CD99: variants seen among roughly 807,000 people sequenced by gnomAD.
CD99 encodes the protein CD99 molecule (Xg blood group).
CD99 carries 19 observed loss-of-function variants against 28.4 expected under a neutral mutation model. The ratio of observed to expected loss-of-function variants is 0.67; its 90% CI spans 0.47 to 0.98. The LOEUF (loss-of-function observed/expected upper bound fraction) is 0.98, where lower values mean the gene tolerates loss of function less well. Among genes scored for constraint, CD99 ranks in the 50% least tolerant of loss-of-function variants. CD99 has a pLI of 0.00. For missense variants in CD99, 283 were observed against 248.8 expected (o/e 1.14, Z -0.92); for synonymous variants, 103 against 92.1 (o/e 1.12, Z -0.67).
intron 1 of CD99, among the ~76,000 whole-genome samples, chrX:2,693,817 C>T (rs540566534): frequency 8.8e-4 from 134 of 152,254 alleles, no homozygotes; most frequent in Middle Eastern, 3.4e-3. Context: ...CCCCACAGGG[C>T]GACGTTGGCC....
intron 1 of CD99, chrX:2,691,746 C>T (rs759711121): frequency 5.4e-6 from 4 of 737,976 alleles, no homozygotes; most frequent in Admixed American, 3.7e-5. Context: ...ATCTCTCTCC[C>T]TTTGCATGAG....
chrX:2,691,574 C>T, intron 1 of CD99, 147 bp downstream of exon 1: 4 of 893,814 alleles, frequency 4.5e-6, no homozygotes, highest in Non-Finnish European at 5.4e-6. Flanking sequence ...CCCACGGGGG[C>T]CCAGGCCCGG....
At chrX:2,699,420 G>A (rs1360471346) in intron 1 of CD99, among the ~76,000 whole-genome samples, 3 of 150,228 alleles carry the variant, frequency 2.0e-5, no homozygotes, top group African/African-American at 7.3e-5. Flanking sequence ...TGCCCACCTC[G>A]GCTTCCCAAA....
At chrX:2,698,513 C>G (rs1349617907) in intron 1 of CD99, among the ~76,000 whole-genome samples, 1 of 152,166 alleles carries the variant, frequency 6.6e-6, no homozygotes, top group Non-Finnish European at 1.5e-5. Context: ...GTCGCCCAGG[C>G]TGAAGTGCAG....
chrX:2,732,842 A>G (rs1378855699), intron 8 of CD99, among the ~76,000 whole-genome samples: 1 of 107,592 alleles, frequency 9.3e-6, no homozygotes, highest in Admixed American at 1.1e-4. Context: ...CTCTTCATCC[A>G]TCTCTCCTGT....
At chrX:2,733,419 A>G (rs2049777609) in intron 8 of CD99, 1 of 1,566,788 alleles carries the variant, frequency 6.4e-7, no homozygotes, top group Admixed American at 1.9e-5. Flanking sequence ...TCCTGACCGT[A>G]ATCGTTTTAT....
intron 1 of CD99, among the ~76,000 whole-genome samples, chrX:2,700,109 G>A (rs2047775814): frequency 6.6e-6 from 1 of 152,174 alleles, no homozygotes; most frequent in Non-Finnish European, 1.5e-5. Context: ...TGCTGGGCTT[G>A]GGAGTTGGTG....
chrX:2,735,256 C>T (rs2049877577), intron 8 of CD99, among the ~76,000 whole-genome samples: 1 of 152,164 alleles, frequency 6.6e-6, no homozygotes, highest in African/African-American at 2.4e-5. Flanking sequence ...CATAGGTACC[C>T]ATTAAAGCCA....
rs775613947 is a variant in CD99, at chrX:2,726,279, C to T, written c.381C>T (p.Ile127=). The change falls in exon 8 of 10, where the codon ATC becomes ATT. Residue 127 remains isoleucine, a synonymous_variant. Coordinates refer to ENST00000381192, the MANE Select transcript of CD99 (RefSeq NM_002414.5). ...CTGCAGCCGACGCCCCAGGCGTGAT[C>T]CCCGGGATTGTGGGGGCTGTCGTGG... The part of the protein sequence containing the change: ...EGEEADAPGV[I]PGIVGAVVVA... 2.5e-6 allele frequency: 4 copies of T among 1,610,478 alleles called. No individual in the cohort carries two copies. Among genetic ancestry groups the T allele is most frequent in the African/African-American group, 1.3e-5 (1 of 74,962 alleles).
chrX:2,715,910 CT>C (rs1164291529), intron 2 of CD99, among the ~76,000 whole-genome samples: 6 of 152,124 alleles, frequency 3.9e-5, no homozygotes, highest in Admixed American at 3.9e-4. Context: ...CTCATCTTAA[CT>C]GATTACAACT....
At chrX:2,699,248 C>T (rs2047726982) in intron 1 of CD99, among the ~76,000 whole-genome samples, 1 of 151,734 alleles carries the variant, frequency 6.6e-6, no homozygotes, top group African/African-American at 2.4e-5. Context: ...TGGCTCACTG[C>T]AACTTCCGCC....
chrX:2,734,281 C>CT (rs918590613), intron 8 of CD99, among the ~76,000 whole-genome samples: 3 of 144,930 alleles, frequency 2.1e-5, no homozygotes, highest in East Asian at 4.0e-4. Context: ...TATGTTATTT[C>CT]TTTTTCTTTT....
intron 1 of CD99, among the ~76,000 whole-genome samples, chrX:2,707,329 C>CAAAG (rs2048166901): frequency 6.7e-6 from 1 of 149,186 alleles, no homozygotes. Context: ...AACTCTGCCT[C>CAAAG]AAAAGAAAAG....
intron 5 of CD99, among the ~76,000 whole-genome samples, chrX:2,720,729 A>G (rs1330965111): frequency 7.1e-6 from 1 of 141,442 alleles, no homozygotes; most frequent in Non-Finnish European, 1.5e-5. Flanking sequence ...GGTTCAAGTG[A>G]TTCTCCTGCA....
chrX:2,709,196 G>T (rs867892688), intron 1 of CD99, among the ~76,000 whole-genome samples: 4 of 74,750 alleles, frequency 5.4e-5, no homozygotes, highest in Non-Finnish European at 2.0e-4. Flanking sequence ...CACATACACA[G>T]GCACATACAT....
Position 2,740,940 on chromosome X carries a change from G to A in CD99, c.*136G>A. The A allele has an allele frequency of 3.1e-6, 3 of 977,572 alleles. No individual in the cohort carries two copies. In the South Asian group the frequency reaches 3.9e-5, roughly 13 times the overall value. The allele number at this position is 977,572 out of a possible 1,614,324, so 60.6% of individuals were successfully genotyped here. Reference sequence around the variant, plus strand: ...ACGGCGGATTCTTTGTTTTAATCTTGCGATGTGCTTTGCTTGTTGCTGGGC... The same window carrying A: ...ACGGCGGATTCTTTGTTTTAATCTTACGATGTGCTTTGCTTGTTGCTGGGC... On this transcript the variant is annotated 3_prime_UTR_variant, in exon 10 of 10. Coordinates refer to ENST00000381192, the MANE Select transcript of CD99 (RefSeq NM_002414.5).
chrX:2,714,271 T>C lies in CD99; in HGVS notation c.68-151T>C, dbSNP rs1035640244. 31 of 589,480 alleles carry C rather than the reference T, an allele frequency of 5.3e-5. No individual in the cohort carries two copies. The South Asian group carries it at 7.3e-4, about 14-fold the overall frequency. 36.5% of individuals were successfully genotyped at this position (589,480 alleles called of 1,614,324 possible). ...TAGGCATGGAAGTGAATATTTAGAA[T>C]GAGAAGAGAAATCACGCACCTTGTA... is the stretch of plus-strand genomic sequence containing the variant. On this transcript the variant is annotated intron_variant, in intron 1 of 9. Transcript: ENST00000381192.
At chrX:2,702,179 G>A (rs1433798786) in intron 1 of CD99, among the ~76,000 whole-genome samples, 1 of 152,118 alleles carries the variant, frequency 6.6e-6, no homozygotes, top group African/African-American at 2.4e-5. Context: ...GATCACGGAG[G>A]GCTTCCTGGA....
intron 6 of CD99, 101 bp downstream of exon 6, chrX:2,722,775 A>G: frequency 8.5e-7 from 1 of 1,176,488 alleles, no homozygotes; most frequent in Non-Finnish European, 1.3e-6. Flanking sequence ...CTCTCTGTGA[A>G]CTCACAGTGA....
Sources: allele counts gnomAD v4.1 joint callset (sites outside exome capture counted in the v4.1 genomes callset), GRCh38; gene constraint gnomAD v4.1.1; transcripts MANE v1.5; gene names NCBI Gene and HGNC (gene_info 2026-07-23, HGNC 2026-07-21).